The following KCNT1 variants were observed in gnomAD, a reference collection of about 807,000 sequenced individuals.
KCNT1 encodes potassium channel subfamily T member 1.
A neutral mutation model predicts 147.8 loss-of-function variants in KCNT1; 78 were observed. The ratio of observed to expected loss-of-function variants is 0.53; its 90% CI spans 0.44 to 0.64. The LOEUF is 0.64. Among genes scored for constraint, KCNT1 ranks in the 30% least tolerant of loss-of-function variants. The pLI, the probability that KCNT1 is intolerant of heterozygous loss-of-function variation, is 0.00. For synonymous variants in KCNT1, 867 were observed against 748.8 expected, an observed-to-expected ratio of 1.16 and a Z score of -2.58; for missense variants, 1,419 against 1,750.3, an observed-to-expected ratio of 0.81 and a Z score of 3.38.
intron 2 of KCNT1, among the ~76,000 whole-genome samples, chr9:135,741,372 C>T (rs1488694398): frequency 2.0e-5 from 3 of 152,222 alleles, no homozygotes; most frequent in Non-Finnish European, 2.9e-5. Flanking sequence ...CAGGCAGACC[C>T]GCTGCCATGG....
chr9:135,752,695 G>T lies in KCNT1; in HGVS notation c.435-1242G>T, dbSNP rs929619863. On this transcript the variant is annotated intron_variant, in intron 4 of 30. Coordinates refer to ENST00000371757, the MANE Select transcript of KCNT1 (RefSeq NM_020822.3). This position sits in a 1 kb window ranked among gnomAD's most constrained non-coding sequence, Gnocchi z 5.1. Reference sequence around the variant, plus strand: ...GGATGGAGGGATGAGTGGATGGGTGGATAATGGATGGATAGGTGGATGCAT... The same window carrying T: ...GGATGGAGGGATGAGTGGATGGGTGTATAATGGATGGATAGGTGGATGCAT... Among the ~76,000 whole-genome samples, 2 of 151,362 alleles carry T rather than the reference G, an allele frequency of 1.3e-5. No homozygotes were observed. Among genetic ancestry groups the T allele is most frequent in the African/African-American group, 4.9e-5 (2 of 41,106 alleles).
At chr9:135,785,408 G>GCGC in intron 28 of KCNT1, 78 bp downstream of exon 28, 1 of 1,526,468 alleles carries the variant, frequency 6.6e-7, no homozygotes, top group Non-Finnish European at 8.8e-7. Context: ...AGCCTGCCAG[G>GCGC]CCCCACCCAC....
In KCNT1 at chr9:135,731,190, T is replaced by C. The variant is rs1200629135; in HGVS notation, c.254+16470T>C. Among the ~76,000 whole-genome samples, 6 of 152,038 alleles carry C rather than the reference T, an allele frequency of 3.9e-5. No homozygotes were observed. The East Asian group carries it at 1.2e-3, about 29-fold the overall frequency. On this transcript the variant is annotated intron_variant, in intron 2 of 30. Transcript: ENST00000371757. The stretch of plus-strand genomic sequence containing the variant: ...GACCCCATTCCTCTTTGCAACTTCC[T>C]TGTTCTCTAGCAAAACTAGATTTTC...
At position 135,786,403 on chromosome 9, in the gene KCNT1, G is replaced by T; in HGVS notation, c.3384G>T (p.Ala1128=). 6.3e-7 allele frequency: 1 copy of T among 1,575,124 alleles called. No individual in the cohort carries two copies. ...RKAPKQAGRA[A]AAEWISQQRL... ...CGCCCAAGCAGGCAGGCCGGGCGGC[G>T]GCCGCGGAGTGGATCAGCCAGCAGC... The change falls in exon 29 of 31, where the codon GCG becomes GCT. Residue 1128 remains alanine (A), a synonymous_variant. Coordinates refer to ENST00000371757, the MANE Select transcript of KCNT1 (RefSeq NM_020822.3).
At chr9:135,747,304 G>C (rs983806940) in intron 2 of KCNT1, among the ~76,000 whole-genome samples, 3 of 151,978 alleles carry the variant, frequency 2.0e-5, no homozygotes, top group Non-Finnish European at 4.4e-5. Context: ...CAGACCCCCC[G>C]CGTTGAGGCT....
rs530040739 is a variant in KCNT1, at chr9:135,791,858, G to A, written c.3564G>A (p.Thr1188=). ...SYVLINPPPD[T]RLEPSDIVYL... ...TCCTCATCAACCCTCCGCCCGACACGAGGCTGGAGCCCAGTGACATTGTGT... is the reference window on the plus strand; with the variant it reads ...TCCTCATCAACCCTCCGCCCGACACAAGGCTGGAGCCCAGTGACATTGTGT... Residue 1188 remains threonine, a synonymous_variant, in exon 30 of 31, where the codon ACG becomes ACA. Coordinates refer to ENST00000371757, the MANE Select transcript of KCNT1 (RefSeq NM_020822.3). 6 of 1,613,890 alleles carry A rather than the reference G, an allele frequency of 3.7e-6. No homozygotes were observed. Among genetic ancestry groups the A allele is most frequent in the Middle Eastern group, 1.6e-4 (1 of 6,062 alleles).
Position 135,784,516 on chromosome 9 carries a change from T to TC in KCNT1, c.2944-16dup. 1 of 164,474 alleles carries TC rather than the reference T, an allele frequency of 6.1e-6. No individual in the cohort carries two copies. The highest frequency in any genetic ancestry group is 4.4e-5 in the South Asian group (1 of 22,798). The allele number at this position is 164,474 out of a possible 1,614,324, so 10.2% of individuals were successfully genotyped here. A position where few individuals can be genotyped will look rare whatever the true frequency, so the allele number is the denominator to read the frequency against. ...CTCCCTCCCTCCCTCCCTCCCTCCC[T>TC]CCCTCCCTCCCTGGCCAGTCCTTCG... On this transcript the variant is annotated intron_variant, in intron 25 of 30. Transcript: ENST00000371757.
At chr9:135,785,038 G>C in intron 27 of KCNT1, 149 bp downstream of exon 27, 1 of 1,323,622 alleles carries the variant, frequency 7.6e-7, no homozygotes, top group Non-Finnish European at 1.0e-6. Flanking sequence ...ACCTGGGCTA[G>C]ATCAGCTTTG....
intron 2 of KCNT1, among the ~76,000 whole-genome samples, chr9:135,720,661 A>G (rs1483935983): frequency 6.6e-6 from 1 of 151,636 alleles, no homozygotes; most frequent in Admixed American, 6.6e-5. Context: ...TCCTGCCTGT[A>G]CCCCCAACCC....
intron 2 of KCNT1, among the ~76,000 whole-genome samples, chr9:135,720,016 G>C (rs893041328): frequency 3.9e-5 from 6 of 152,168 alleles, no homozygotes; most frequent in Non-Finnish European, 5.9e-5. Flanking sequence ...CACAAACAGG[G>C]CCCGGCATTG....
chr9:135,782,949 C>T lies in KCNT1; in HGVS notation c.2842-1075C>T, dbSNP rs550196748. On this transcript the variant is annotated intron_variant, in intron 24 of 30. Transcript: ENST00000371757. ...GGCCACTGATGAGTAAGGGCGAACCCGGAGGAAAAGGGGCTTCTGCCTGCT... is the reference window on the plus strand; with the variant it reads ...GGCCACTGATGAGTAAGGGCGAACCTGGAGGAAAAGGGGCTTCTGCCTGCT... Among the ~76,000 whole-genome samples the T allele has an allele frequency of 3.9e-5, 6 of 152,320 alleles. No individual in the cohort carries two copies. The South Asian group carries it at 1.2e-3, about 32-fold the overall frequency.
rs1170069126 is a variant in KCNT1, at chr9:135,786,273, C to T, written c.3254C>T (p.Thr1085Ile). The T allele has an allele frequency of 3.4e-5, 55 of 1,609,774 alleles. No homozygotes were observed. The highest frequency in any genetic ancestry group is 4.3e-5 in the Non-Finnish European group (51 of 1,178,920). The part of the protein sequence containing the change: ...VKGPWGSRAG[T>I]GGSSQGRHTG... ...GGGCCCTGGGGCTCCCGCGCTGGCA[C>T]CGGAGGCAGCTCCCAGGGCCGCCAC... is the stretch of plus-strand genomic sequence containing the variant. The change falls in exon 29 of 31, where the codon ACC becomes ATC. Residue 1085 changes from threonine to isoleucine, a missense_variant. Coordinates refer to ENST00000371757, the MANE Select transcript of KCNT1 (RefSeq NM_020822.3).
chr9:135,742,550 A>C (rs1830617787), intron 2 of KCNT1, among the ~76,000 whole-genome samples: 2 of 152,288 alleles, frequency 1.3e-5, no homozygotes, highest in Non-Finnish European at 2.9e-5. Flanking sequence ...ATGGCTCTGC[A>C]CATGGACTGC....
chr9:135,783,817 G>A (rs1833799155), intron 24 of KCNT1, among the ~76,000 whole-genome samples: 1 of 152,256 alleles, frequency 6.6e-6, no homozygotes, highest in Admixed American at 6.5e-5. Context: ...AGTGTGTCTG[G>A]GAAGATAGAG....
intron 2 of KCNT1, among the ~76,000 whole-genome samples, chr9:135,720,509 C>T (rs1835883014): frequency 6.6e-6 from 1 of 152,152 alleles, no homozygotes; most frequent in Non-Finnish European, 1.5e-5. Context: ...CTCCCAGCTC[C>T]ATCATCTCTT....
At chr9:135,728,192 C>T (rs1006180654) in intron 2 of KCNT1, among the ~76,000 whole-genome samples, 2 of 152,180 alleles carry the variant, frequency 1.3e-5, no homozygotes, top group African/African-American at 4.8e-5. Context: ...CCTAGGGCCT[C>T]CAAGGAAGCG....
At chr9:135,711,972 A>G (rs1197449443) in intron 1 of KCNT1, among the ~76,000 whole-genome samples, 1 of 152,230 alleles carries the variant, frequency 6.6e-6, no homozygotes, top group Non-Finnish European at 1.5e-5. Context: ...CCCTTCACGC[A>G]TGAGCATACA....
chr9:135,751,227 A>G (rs914449214), intron 4 of KCNT1, among the ~76,000 whole-genome samples, 186 bp downstream of exon 4: 2 of 152,110 alleles, frequency 1.3e-5, no homozygotes, highest in Non-Finnish European at 2.9e-5. Context: ...AGGCTCCCGC[A>G]GACGGCTCAG....
Position 135,759,878 on chromosome 9 carries a change from A to C in KCNT1, c.1035+19A>C. On this transcript the variant is annotated intron_variant, in intron 11 of 30. Coordinates refer to ENST00000371757, the MANE Select transcript of KCNT1 (RefSeq NM_020822.3). Reference sequence around the variant, plus strand: ...ACTGCAGGTGGGTCCTCTGGGCACCAGCCCTGGGTGGCACCAGCAAAGGGA... The same window carrying C: ...ACTGCAGGTGGGTCCTCTGGGCACCCGCCCTGGGTGGCACCAGCAAAGGGA... The C allele has an allele frequency of 1.3e-6, 2 of 1,577,130 alleles. No homozygotes were observed. The highest frequency in any genetic ancestry group is 1.7e-6 in the Non-Finnish European group (2 of 1,160,072).
Sources: gnomAD v4.1 joint callset for allele counts (sites outside exome capture counted in the v4.1 genomes callset) on GRCh38, gnomAD v4.1.1 for gene constraint, Gnocchi (gnomAD v3.1) non-coding constraint, MANE v1.5 for transcripts, NCBI Gene and HGNC (gene_info 2026-07-23, HGNC 2026-07-21) for gene names.